The following GOLIM4 variants were observed in gnomAD, a reference collection of about 807,000 sequenced individuals.
GOLIM4 encodes the protein golgi integral membrane protein 4.
In GOLIM4, 71 loss-of-function variants were observed where a neutral mutation model predicts 107.4. That is an observed-to-expected ratio of 0.66 (90% CI 0.55 to 0.81). GOLIM4 has a LOEUF of 0.81. GOLIM4 is among the 30% of genes least tolerant of loss of function. GOLIM4 has a pLI of 0.00. For missense variants in GOLIM4, 830 were observed against 826.1 expected, an observed-to-expected ratio of 1.00 and a Z score of -0.06; for synonymous variants, 327 against 294.8, an observed-to-expected ratio of 1.11 and a Z score of -1.12.
Position 168,032,586 on chromosome 3 carries a change from C to G in GOLIM4, c.1110G>C (p.Arg370=). Residue 370 remains arginine (R), a synonymous_variant, in exon 9 of 16, where the codon CGG becomes CGC. Transcript: ENST00000470487. ...GTTGCTCATGCTGCTCTTTCCACTC[C>G]CGATCCTGCTCCTCTGGTGATGGAT... ...EHDPSPEEQD[R]EWKEQHEQRE... 1.2e-6 allele frequency: 2 copies of G among 1,614,086 alleles called. No individual in the cohort carries two copies. Among genetic ancestry groups the G allele is most frequent in the Non-Finnish European group, 1.7e-6 (2 of 1,180,016 alleles).
chr3:168,066,627 T>C (rs551955327), intron 1 of GOLIM4, among the ~76,000 whole-genome samples: 3 of 152,296 alleles, frequency 2.0e-5, no homozygotes, highest in East Asian at 1.9e-4. Context: ...TAATACCTAC[T>C]TTAGTATCAA....
At position 168,079,127 on chromosome 3, in the gene GOLIM4, T is replaced by TA. The variant is rs35232141; in HGVS notation, c.187+15971dup. 1.6e-4 allele frequency among the ~76,000 whole-genome samples: 24 copies of TA among 151,820 alleles called. No individual in the cohort carries two copies. The South Asian group carries it at 1.9e-3, about 12-fold the overall frequency. On this transcript the variant is annotated intron_variant, in intron 1 of 15. Transcript: ENST00000470487. ...TCATATCAAAAAGCTGCTAGTCCCT[T>TA]AAAAAAAAGAGTTAAAAGAACTAGA...
intron 1 of GOLIM4, among the ~76,000 whole-genome samples, chr3:168,067,709 GAATA>G (rs1375101748): frequency 2.0e-5 from 3 of 150,506 alleles, no homozygotes; most frequent in Non-Finnish European, 4.4e-5. Flanking sequence ...ATGAATGAAT[GAATA>G]AATGAATGAA....
intron 8 of GOLIM4, 37 bp from the exon 9 acceptor site, chr3:168,032,889 A>T: frequency 6.9e-7 from 1 of 1,459,134 alleles, no homozygotes; most frequent in Non-Finnish European, 9.5e-7. Context: ...ACACTCTTCC[A>T]ATTTCAAAAG....
intron 10 of GOLIM4, 82 bp from the exon 11 acceptor site, chr3:168,029,384 C>A: frequency 1.2e-6 from 1 of 865,224 alleles, no homozygotes; most frequent in Non-Finnish European, 1.8e-6. Flanking sequence ...TCTTTAAAGA[C>A]AGTAATAAGT....
chr3:168,054,296 AAGGCCCTCACAGGGCCTT>A (rs1416240503), intron 1 of GOLIM4, among the ~76,000 whole-genome samples: 1 of 152,202 alleles, frequency 6.6e-6, no homozygotes, highest in Non-Finnish European at 1.5e-5. Flanking sequence ...GAAACCCCAC[AAGGCCCTCACAGGGCCTT>A]ACCCCATCGT....
intron 1 of GOLIM4, among the ~76,000 whole-genome samples, chr3:168,086,202 G>A (rs1462342942): frequency 6.6e-6 from 1 of 151,786 alleles, no homozygotes; most frequent in African/African-American, 2.4e-5. Flanking sequence ...AATGCAGAAG[G>A]GCAAGCATCA....
At chr3:168,048,485 A>G (rs1431926803) in intron 1 of GOLIM4, 120 bp from the exon 2 acceptor site, 3 of 598,558 alleles carry the variant, frequency 5.0e-6, no homozygotes, top group East Asian at 2.9e-5. Flanking sequence ...AAATAAAAAC[A>G]TATGTGTTTT....
chr3:168,041,554 C>T, intron 5 of GOLIM4, 80 bp from the exon 6 acceptor site: 1 of 675,720 alleles, frequency 1.5e-6, no homozygotes, highest in Non-Finnish European at 2.6e-6. Flanking sequence ...TATCTAAAGC[C>T]ACCTATAACT....
chr3:168,018,617 T>C (rs771853233), intron 14 of GOLIM4, among the ~76,000 whole-genome samples: 2 of 152,198 alleles, frequency 1.3e-5, no homozygotes, highest in African/African-American at 2.4e-5. Flanking sequence ...CCTCTGCCCA[T>C]AGTCGTAGAA....
intron 1 of GOLIM4, among the ~76,000 whole-genome samples, chr3:168,077,647 C>G (rs1721138915): frequency 6.6e-6 from 1 of 152,162 alleles, no homozygotes; most frequent in Admixed American, 6.5e-5. Flanking sequence ...GACTCTATAT[C>G]TTTATATGGC....
chr3:168,022,032 C>T (rs1717720703), intron 14 of GOLIM4, among the ~76,000 whole-genome samples: 1 of 152,094 alleles, frequency 6.6e-6, no homozygotes, highest in African/African-American at 2.4e-5. Flanking sequence ...AAACAAGAAA[C>T]AAGAAATGCT....
Position 168,029,827 on chromosome 3 carries a change from C to G in GOLIM4, c.1386G>C (p.Arg462Ser), listed in dbSNP as rs1486519808. The G allele has an allele frequency of 6.2e-7, 1 of 1,614,092 alleles. No individual in the cohort carries two copies. The highest frequency in any genetic ancestry group is 8.5e-7 in the Non-Finnish European group (1 of 1,180,032). The change falls in exon 10 of 16, where the codon AGG becomes AGC. Residue 462 changes from arginine to serine, a missense_variant. Transcript: ENST00000470487. ...QQVAREMALQRQAELEEGRPQ... is the reference protein window; with the variant it reads ...QQVAREMALQSQAELEEGRPQ... ...GCCGGCCCTCCTCAAGCTCAGCCTG[C>G]CTCTGCAGGGCCATCTCTCTTGCCA...
At chr3:168,043,109 C>T (rs1046253884) in intron 5 of GOLIM4, among the ~76,000 whole-genome samples, 2 of 152,134 alleles carry the variant, frequency 1.3e-5, no homozygotes, top group Non-Finnish European at 1.5e-5. Context: ...AGAGAAGAAT[C>T]GTCTTGCCCA....
chr3:168,032,218 G>C (rs1414140584), intron 9 of GOLIM4, among the ~76,000 whole-genome samples: 1 of 152,102 alleles, frequency 6.6e-6, no homozygotes, highest in South Asian at 2.1e-4. Context: ...TGCCCCATCA[G>C]GTACTCACCT....
chr3:168,045,358 A>G (rs1283849755), intron 3 of GOLIM4, among the ~76,000 whole-genome samples: 1 of 152,164 alleles, frequency 6.6e-6, no homozygotes, highest in African/African-American at 2.4e-5. Context: ...TCAGCGGGTA[A>G]GAAATTCTAT....
At chr3:168,068,845 T>TA (rs1159116840) in intron 1 of GOLIM4, among the ~76,000 whole-genome samples, 114 of 151,194 alleles carry the variant, frequency 7.5e-4, no homozygotes, top group South Asian at 2.3e-3. Flanking sequence ...TTATTTTTTT[T>TA]TTTTTTTTGA....
chr3:168,056,566 T>C (rs992181381), intron 1 of GOLIM4, among the ~76,000 whole-genome samples: 1 of 152,172 alleles, frequency 6.6e-6, no homozygotes, highest in Non-Finnish European at 1.5e-5. Flanking sequence ...GGCTGTACCC[T>C]GCAAAGCCAA....
chr3:168,046,859 A>T, intron 3 of GOLIM4, 91 bp downstream of exon 3: 1 of 661,006 alleles, frequency 1.5e-6, no homozygotes, highest in South Asian at 2.5e-5. Flanking sequence ...CAAAAAGTAA[A>T]AGAGTTCGCA....
Sources: allele counts gnomAD v4.1 joint callset (sites outside exome capture counted in the v4.1 genomes callset), GRCh38; gene constraint gnomAD v4.1.1; transcripts MANE v1.5; gene names NCBI Gene and HGNC (gene_info 2026-07-23, HGNC 2026-07-21).